The following RPS6KA5 variants were observed in gnomAD, a reference collection of about 807,000 sequenced individuals.
RPS6KA5 encodes ribosomal protein S6 kinase A5.
In RPS6KA5, 27 loss-of-function variants were observed where a neutral mutation model predicts 85.5. That is an observed-to-expected ratio of 0.32 (90% CI 0.23 to 0.44). RPS6KA5 has a LOEUF of 0.44. Ranked by LOEUF, RPS6KA5 falls within the 20% of genes least tolerant of loss-of-function variation. The probability of loss-of-function intolerance (pLI) is 1.00; values close to 1 mark genes in which losing one functional copy is unlikely to be tolerated. For missense variants in RPS6KA5, 811 were observed against 980.9 expected, an observed-to-expected ratio of 0.83 and a Z score of 2.31; for synonymous variants, 334 against 348.2, an observed-to-expected ratio of 0.96 and a Z score of 0.46.
chr14:91,011,401 G>A (rs1386808047), intron 1 of RPS6KA5, among the ~76,000 whole-genome samples: 1 of 152,078 alleles, frequency 6.6e-6, no homozygotes, highest in Non-Finnish European at 1.5e-5. Flanking sequence ...CAGAAGAATC[G>A]CTTGAACCTG....
intron 5 of RPS6KA5, among the ~76,000 whole-genome samples, chr14:90,937,695 T>C (rs1463781121): frequency 2.2e-4 from 34 of 152,076 alleles, no homozygotes; most frequent in Admixed American, 2.2e-3. Flanking sequence ...ACATATTACA[T>C]GGATGGAAGC....
intron 5 of RPS6KA5, among the ~76,000 whole-genome samples, chr14:90,939,200 AAG>A (rs1271397329): frequency 6.6e-6 from 1 of 152,168 alleles, no homozygotes; most frequent in East Asian, 1.9e-4. Flanking sequence ...AAAACATTAC[AAG>A]AGTTACCTTT....
At chr14:90,963,515 T>TA in intron 3 of RPS6KA5, among the ~76,000 whole-genome samples, 2 of 152,338 alleles carry the variant, frequency 1.3e-5, no homozygotes, top group South Asian at 4.1e-4. Flanking sequence ...TCCTCTATGT[T>TA]AGTTGGCATT....
intron 1 of RPS6KA5, among the ~76,000 whole-genome samples, chr14:91,012,900 CT>C (rs1595470508): frequency 1.3e-5 from 2 of 152,202 alleles, no homozygotes; most frequent in Admixed American, 1.3e-4. Context: ...GGAAGGGGAT[CT>C]TTATCTCACC....
intron 7 of RPS6KA5, among the ~76,000 whole-genome samples, chr14:90,916,810 T>C (rs1359550591): frequency 6.6e-6 from 1 of 152,164 alleles, no homozygotes; most frequent in Admixed American, 6.5e-5. Flanking sequence ...AGTTGTAAGG[T>C]TTTAAACAAT....
chr14:91,008,784 C>T (rs1275093828), intron 1 of RPS6KA5, among the ~76,000 whole-genome samples: 1 of 152,038 alleles, frequency 6.6e-6, no homozygotes, highest in African/African-American at 2.4e-5. Context: ...TAATTGAATC[C>T]GTAAGTAATA....
chr14:90,967,098 T>C (rs2039101307), intron 3 of RPS6KA5, among the ~76,000 whole-genome samples: 1 of 152,218 alleles, frequency 6.6e-6, no homozygotes, highest in Admixed American at 6.5e-5. Flanking sequence ...CAAATTTCAT[T>C]AATGTGACCC....
At chr14:90,881,998 GAACT>G (rs535994415) in intron 14 of RPS6KA5, among the ~76,000 whole-genome samples, 97 of 152,266 alleles carry the variant, frequency 6.4e-4, no homozygotes, top group African/African-American at 2.2e-3. Flanking sequence ...TGATAAAAAG[GAACT>G]AACTTCTGTC....
At chr14:91,026,288 T>C (rs957834974) in intron 1 of RPS6KA5, among the ~76,000 whole-genome samples, 4 of 152,152 alleles carry the variant, frequency 2.6e-5, no homozygotes, top group African/African-American at 9.7e-5. Flanking sequence ...TGGAGTGCAG[T>C]GGCATGATCA....
intron 3 of RPS6KA5, among the ~76,000 whole-genome samples, chr14:90,959,668 T>C (rs751736521): frequency 2.0e-5 from 3 of 152,176 alleles, no homozygotes; most frequent in Non-Finnish European, 4.4e-5. Flanking sequence ...ACCACCACCA[T>C]CTTGTGGCCA....
intron 3 of RPS6KA5, among the ~76,000 whole-genome samples, chr14:90,949,713 C>T (rs1364844967): frequency 1.3e-5 from 2 of 151,426 alleles, no homozygotes; most frequent in African/African-American, 4.8e-5. Flanking sequence ...AGCTGTCCTT[C>T]CTTAAGCAAA....
At chr14:90,911,762 G>T (rs2035829208) in intron 7 of RPS6KA5, among the ~76,000 whole-genome samples, 1 of 152,048 alleles carries the variant, frequency 6.6e-6, no homozygotes, top group South Asian at 2.1e-4. Flanking sequence ...CATTATACAA[G>T]TAAAAAAGAA....
intron 5 of RPS6KA5, among the ~76,000 whole-genome samples, chr14:90,939,364 C>A (rs1399159891): frequency 6.6e-6 from 1 of 152,186 alleles, no homozygotes; most frequent in African/African-American, 2.4e-5. Flanking sequence ...TTCTTCTGAG[C>A]CCTCCAAACT....
chr14:90,901,963 C>T (rs966033410), intron 9 of RPS6KA5, among the ~76,000 whole-genome samples: 8 of 152,020 alleles, frequency 5.3e-5, no homozygotes, highest in Non-Finnish European at 1.0e-4. Flanking sequence ...AGGAGGATCG[C>T]TTGAGGCCAG....
In RPS6KA5 at chr14:90,868,099, C is replaced by T. The variant is rs2032877642; in HGVS notation, c.*3975G>A. 1 of 152,118 alleles carries T rather than the reference C, an allele frequency of 6.6e-6. No homozygotes were observed. The highest frequency in any genetic ancestry group is 6.5e-5 in the Admixed American group (1 of 15,272). 9.4% of individuals were successfully genotyped at this position (152,118 alleles called of 1,614,324 possible). ...ACTACTCTTAAGGAAAATATTTTCT[C>T]TAAAGAATGTCACAATTTGGAGTGA... On this transcript the variant is annotated 3_prime_UTR_variant, in exon 17 of 17. Transcript: ENST00000614987.
intron 1 of RPS6KA5, among the ~76,000 whole-genome samples, chr14:91,053,742 G>A (rs1181581981): frequency 2.6e-5 from 4 of 152,148 alleles, no homozygotes; most frequent in South Asian, 2.1e-4. Context: ...TAGATCAGAC[G>A]ACTTAACATT....
rs2043626714 is a variant in RPS6KA5, at chr14:91,060,535, G to C, written c.-101C>G. ...CCGCTGCCGCGGCCCCAGGAGTCGG[G>C]GTGCGGCGGCTCCAGAACTCGGACG... On this transcript the variant is annotated 5_prime_UTR_variant, in exon 1 of 17. Transcript: ENST00000614987. 2 of 1,224,444 alleles carry C rather than the reference G, an allele frequency of 1.6e-6. No homozygotes were observed. The highest frequency in any genetic ancestry group is 3.1e-5 in the African/African-American group (2 of 63,590). 75.8% of individuals were successfully genotyped at this position (1,224,444 alleles called of 1,614,324 possible).
chr14:91,008,917 G>T (rs78873563), intron 1 of RPS6KA5, among the ~76,000 whole-genome samples: 4 of 152,200 alleles, frequency 2.6e-5, no homozygotes, highest in African/African-American at 9.7e-5. Context: ...TAAAAAAGAT[G>T]TGTACTAATG....
chr14:91,008,749 C>T (rs2041136036), intron 1 of RPS6KA5, among the ~76,000 whole-genome samples: 1 of 152,128 alleles, frequency 6.6e-6, no homozygotes, highest in African/African-American at 2.4e-5. Flanking sequence ...TGGCTCAAAA[C>T]CTGGAATGCC....
Sources: allele counts gnomAD v4.1 joint callset (sites outside exome capture counted in the v4.1 genomes callset), GRCh38; gene constraint gnomAD v4.1.1; transcripts MANE v1.5; gene names NCBI Gene and HGNC (gene_info 2026-07-23, HGNC 2026-07-21).